Variants in MINDY2 observed in about 807,000 individuals in gnomAD.
The protein encoded by MINDY2 is MINDY lysine 48 deubiquitinase 2.
In MINDY2, 52 loss-of-function variants were observed where a neutral mutation model predicts 68.2. The ratio of observed to expected loss-of-function variants is 0.76; its 90% CI spans 0.61 to 0.96. The LOEUF (loss-of-function observed/expected upper bound fraction) is 0.96, where lower values mean the gene tolerates loss of function less well. MINDY2 is among the 40% of genes least tolerant of loss of function. The probability of loss-of-function intolerance (pLI) is 0.00; values close to 1 mark genes in which losing one functional copy is unlikely to be tolerated. For synonymous variants in MINDY2, 372 were observed against 303.0 expected, an observed-to-expected ratio of 1.23 and a Z score of -2.36; for missense variants, 881 against 773.4, an observed-to-expected ratio of 1.14 and a Z score of -1.65.
rs1295126237 is a variant in MINDY2 at position 58,854,694 on chromosome 15, G to A, written c.*84G>A. ...AAAGGAAGAAAAACCGATCAATACC[G>A]TCTGTGCCTGATTTCCTAATGGATT... On this transcript the variant is annotated 3_prime_UTR_variant, in exon 9 of 9. Transcript: ENST00000559228. The A allele has an allele frequency of 2.1e-6, 3 of 1,433,436 alleles. No individual in the cohort carries two copies. Among genetic ancestry groups the A allele is most frequent in the Non-Finnish European group, 1.9e-6 (2 of 1,078,220 alleles). The allele number at this position is 1,433,436 out of a possible 1,614,324, so 88.8% of individuals were successfully genotyped here.
chr15:58,803,424 C>G (rs1044606164), intron 3 of MINDY2, among the ~76,000 whole-genome samples: 2 of 150,694 alleles, frequency 1.3e-5, no homozygotes, highest in African/African-American at 4.9e-5. Flanking sequence ...GCTGGAATCG[C>G]GCCACTATGA....
In MINDY2 at chr15:58,771,771, G is replaced by A; in HGVS notation, c.376G>A (p.Ala126Thr). ...VAGVGHELGT[A>T]GDAGARPDLA... ...CGGAGTGGGTCATGAGTTGGGTACC[G>A]CCGGAGACGCGGGAGCCCGCCCGGA... is the stretch of plus-strand genomic sequence containing the variant. The change falls in exon 1 of 9, where the codon GCC becomes ACC. Residue 126 changes from alanine to threonine, a missense_variant. Physicochemically the swap from Ala to Thr is moderately conservative, Grantham distance 58. Transcript: ENST00000559228. 1 of 1,610,550 alleles carries A rather than the reference G, an allele frequency of 6.2e-7. No individual in the cohort carries two copies. Among genetic ancestry groups the A allele is most frequent in the South Asian group, 1.1e-5 (1 of 90,944 alleles).
intron 5 of MINDY2, among the ~76,000 whole-genome samples, chr15:58,828,473 T>C (rs2141013750): frequency 6.6e-6 from 1 of 152,230 alleles, no homozygotes; most frequent in Non-Finnish European, 1.5e-5. Context: ...ATAGTACCTC[T>C]GTAACTTCAC....
chr15:58,782,703 A>G (rs1412458481), intron 1 of MINDY2, among the ~76,000 whole-genome samples: 2 of 152,078 alleles, frequency 1.3e-5, no homozygotes, highest in Admixed American at 1.3e-4. Context: ...GGCTTTGGTA[A>G]TTGGTAATTT....
chr15:58,852,049 G>C, intron 8 of MINDY2, 84 bp downstream of exon 8: 1 of 1,046,138 alleles, frequency 9.6e-7, no homozygotes, highest in Non-Finnish European at 1.4e-6. Flanking sequence ...CCCTTTGGGA[G>C]GCTGAGGCAG....
chr15:58,773,418 A>G (rs575923180), intron 1 of MINDY2, among the ~76,000 whole-genome samples: 7 of 152,384 alleles, frequency 4.6e-5, no homozygotes, highest in African/African-American at 1.7e-4. Flanking sequence ...ATAAAATTAG[A>G]AACCTTGCCA....
intron 5 of MINDY2, among the ~76,000 whole-genome samples, chr15:58,828,575 CTTTTTTTTTTT>C (rs1163905877): frequency 5.5e-4 from 58 of 106,122 alleles, no homozygotes; most frequent in African/African-American, 1.7e-3. Flanking sequence ...TATTGAATTT[CTTTTTTTTTTT>C]TTTTTTTTTT....
intron 7 of MINDY2, among the ~76,000 whole-genome samples, chr15:58,848,946 A>C (rs1478437193): frequency 1.3e-5 from 2 of 152,194 alleles, no homozygotes; most frequent in African/African-American, 4.8e-5. Context: ...AAGGTGGCTC[A>C]CACCTATAAT....
intron 6 of MINDY2, among the ~76,000 whole-genome samples, chr15:58,839,318 G>GT (rs1198341401): frequency 7.0e-6 from 1 of 142,668 alleles, no homozygotes; most frequent in Non-Finnish European, 1.5e-5. Flanking sequence ...AAGTTAGACT[G>GT]TTTTTTTGTT....
chr15:58,817,940 A>G (rs1451301544), intron 4 of MINDY2, among the ~76,000 whole-genome samples: 24 of 152,334 alleles, frequency 1.6e-4, no homozygotes, highest in African/African-American at 5.5e-4. Flanking sequence ...TAAACGTCCT[A>G]GAATTTTTCA....
intron 4 of MINDY2, among the ~76,000 whole-genome samples, chr15:58,821,153 A>T (rs2031034747): frequency 6.6e-6 from 1 of 151,766 alleles, no homozygotes. Context: ...CGCATATCCC[A>T]TCCCCCATTA....
intron 5 of MINDY2, among the ~76,000 whole-genome samples, chr15:58,829,758 T>A (rs774992890): frequency 6.6e-6 from 1 of 152,226 alleles, no homozygotes. Flanking sequence ...TAGACCTCTT[T>A]ATAGTTTTTG....
intron 6 of MINDY2, among the ~76,000 whole-genome samples, chr15:58,832,563 CTT>C (rs2141022684): frequency 7.0e-6 from 1 of 143,746 alleles, no homozygotes; most frequent in South Asian, 2.2e-4. Flanking sequence ...GAGTTTCACT[CTT>C]GTTGCCCAGG....
intron 7 of MINDY2, among the ~76,000 whole-genome samples, chr15:58,849,085 C>G (rs531667391): frequency 1.1e-4 from 16 of 151,996 alleles, no homozygotes; most frequent in African/African-American, 3.4e-4. Context: ...TGGTGCGCAC[C>G]TGTAACCCCA....
chr15:58,801,000 G>T (rs1902608644), intron 2 of MINDY2, among the ~76,000 whole-genome samples: 1 of 152,080 alleles, frequency 6.6e-6, no homozygotes, highest in South Asian at 2.1e-4. Context: ...TTGAGACAGA[G>T]TCTCGCTGCA....
chr15:58,799,313 A>C (rs1363797930), intron 2 of MINDY2, among the ~76,000 whole-genome samples: 1 of 152,206 alleles, frequency 6.6e-6, no homozygotes, highest in Non-Finnish European at 1.5e-5. Context: ...CACGCCTGTA[A>C]TCCCAGCACT....
chr15:58,771,624 G>C lies in MINDY2; in HGVS notation c.229G>C (p.Gly77Arg). The C allele has an allele frequency of 1.2e-6, 2 of 1,612,300 alleles. No individual in the cohort carries two copies. The highest frequency in any genetic ancestry group is 1.7e-4 in the Middle Eastern group (1 of 5,832). ...TCCCGCGGGCTCTCCTGAGGTTCCC[G>C]GACCCTGCAGCTCCTCCGCGGGTTT... ...ASPAGSPEVP[G>R]PCSSSAGLDL... The change falls in exon 1 of 9, where the codon GGA becomes CGA. Residue 77 changes from glycine (G) to arginine (R), a missense_variant. Gly to Arg is a moderately radical substitution (Grantham distance 125). Coordinates refer to ENST00000559228, the MANE Select transcript of MINDY2 (RefSeq NM_001040450.3).
intron 6 of MINDY2, among the ~76,000 whole-genome samples, chr15:58,845,376 A>G (rs1595778912): frequency 6.6e-6 from 1 of 152,356 alleles, no homozygotes; most frequent in Admixed American, 6.5e-5. Flanking sequence ...ACTGAACTCC[A>G]GCCTGGGCAA....
At chr15:58,831,056 T>C (rs2031700160) in intron 5 of MINDY2, among the ~76,000 whole-genome samples, 1 of 149,240 alleles carries the variant, frequency 6.7e-6, no homozygotes, top group Non-Finnish European at 1.5e-5. Context: ...TATATATATA[T>C]ATATGTTTTA....
Sources: allele counts gnomAD v4.1 joint callset (sites outside exome capture counted in the v4.1 genomes callset), GRCh38; gene constraint gnomAD v4.1.1; transcripts MANE v1.5; gene names NCBI Gene and HGNC (gene_info 2026-07-23, HGNC 2026-07-21).